Variants in GPHN observed in about 807,000 individuals in gnomAD.
The protein encoded by GPHN is gephyrin.
GPHN carries 17 observed loss-of-function variants against 95.5 expected under a neutral mutation model. That is an observed-to-expected ratio of 0.18 (90% CI 0.12 to 0.27). GPHN has a LOEUF of 0.27. Among genes scored for constraint, GPHN ranks in the 10% least tolerant of loss-of-function variants. GPHN has a pLI of 1.00. For synonymous variants in GPHN, 320 were observed against 322.5 expected (o/e 0.99, Z 0.08); for missense variants, 660 against 978.1 (o/e 0.67, Z 4.34).
At chr14:66,743,339 A>G (rs1348521907) in intron 2 of GPHN, among the ~76,000 whole-genome samples, 2 of 152,090 alleles carry the variant, frequency 1.3e-5, no homozygotes, top group African/African-American at 4.8e-5. Context: ...TCAAGGTAAC[A>G]TATTCAATTT....
At chr14:66,514,548 A>G (rs1468666945) in intron 1 of GPHN, among the ~76,000 whole-genome samples, 1 of 152,102 alleles carries the variant, frequency 6.6e-6, no homozygotes, top group Non-Finnish European at 1.5e-5. Context: ...CCAGCAGGAA[A>G]GAGAAATATA....
chr14:67,320,753 G>T, the GPHN span, among the ~76,000 whole-genome samples: 1 of 152,138 alleles, frequency 6.6e-6, no homozygotes, highest in Non-Finnish European at 1.5e-5. Context: ...TAATCTTATG[G>T]AGATAAACTT....
chr14:66,925,068 A>T (rs2066417157), intron 8 of GPHN, among the ~76,000 whole-genome samples: 1 of 152,170 alleles, frequency 6.6e-6, no homozygotes, highest in Non-Finnish European at 1.5e-5. Flanking sequence ...TTAGGAGAGA[A>T]AAAAACCAAC....
intron 1 of GPHN, among the ~76,000 whole-genome samples, chr14:66,589,490 G>A (rs952050793): frequency 1.3e-5 from 2 of 151,226 alleles, no homozygotes; most frequent in African/African-American, 2.4e-5. Flanking sequence ...TTAGGAGACT[G>A]ATCTCAATCC....
intron 4 of GPHN, among the ~76,000 whole-genome samples, chr14:66,869,732 G>C (rs2153527018): frequency 6.6e-6 from 1 of 152,316 alleles, no homozygotes; most frequent in South Asian, 2.1e-4. Flanking sequence ...CATAGAAAGA[G>C]CTAACATGTA....
chr14:66,650,429 T>G (rs953383104), intron 1 of GPHN, among the ~76,000 whole-genome samples: 2 of 152,196 alleles, frequency 1.3e-5, no homozygotes, highest in African/African-American at 4.8e-5. Flanking sequence ...GCCCTTTACA[T>G]GAAGAGTTGA....
chr14:67,060,229 T>C (rs1202404374), intron 11 of GPHN, among the ~76,000 whole-genome samples: 1 of 151,540 alleles, frequency 6.6e-6, no homozygotes, highest in Non-Finnish European at 1.5e-5. Context: ...GAGTTGGAAA[T>C]TGCCATTTCA....
Position 67,176,071 on chromosome 14 carries a change from T to C in GPHN, c.2080-3507T>C, listed in dbSNP as rs139530258. Among the ~76,000 whole-genome samples the C allele has an allele frequency of 3.3e-3, 503 of 152,268 alleles. 2 individuals carry two copies. Among genetic ancestry groups the C allele is most frequent in the African/African-American group, 0.011 (475 of 41,548 alleles). ...TTCCTATTTGAATACCCTTTATTGCTTTCTCTTGCCTGATTGCCCTGGCCA... is the reference window on the plus strand; with the variant it reads ...TTCCTATTTGAATACCCTTTATTGCCTTCTCTTGCCTGATTGCCCTGGCCA... On this transcript the variant is annotated intron_variant, in intron 21 of 22. Transcript: ENST00000478722.
chr14:66,864,213 G>C (rs2063142443), intron 4 of GPHN, among the ~76,000 whole-genome samples: 1 of 152,092 alleles, frequency 6.6e-6, no homozygotes, highest in Non-Finnish European at 1.5e-5. Flanking sequence ...ACTATGAAAA[G>C]ATACTCAGCA....
the GPHN span, chr14:67,292,406 C>T: frequency 1.3e-6 from 1 of 749,466 alleles, no homozygotes; most frequent in Non-Finnish European, 2.2e-6. Context: ...TGGTATTTTT[C>T]TGAAAACTTA....
chr14:67,316,739 G>GA, the GPHN span: 49 of 917,586 alleles, frequency 5.3e-5, no homozygotes, highest in Middle Eastern at 3.2e-4. Flanking sequence ...TAAGTGAAGA[G>GA]ATATGTCTAG....
chr14:67,217,624 A>C, the GPHN span, among the ~76,000 whole-genome samples: 1 of 152,218 alleles, frequency 6.6e-6, no homozygotes, highest in East Asian at 1.9e-4. Flanking sequence ...GATGGTGGCT[A>C]TCATCTTTTC....
At chr14:67,257,952 G>A in the GPHN span, among the ~76,000 whole-genome samples, 2 of 152,108 alleles carry the variant, frequency 1.3e-5, no homozygotes, top group East Asian at 3.9e-4. Context: ...TGTCACCAAG[G>A]TAGTGAATAT....
At chr14:67,129,096 G>A (rs139187530) in intron 17 of GPHN, among the ~76,000 whole-genome samples, 1,830 of 151,656 alleles carry the variant, frequency 0.012, 19 homozygotes, top group Non-Finnish European at 0.018. Context: ...TAAAAGGTGT[G>A]AGCCATCGTG....
At chr14:67,111,079 C>T (rs1244349514) in intron 14 of GPHN, among the ~76,000 whole-genome samples, 1 of 152,132 alleles carries the variant, frequency 6.6e-6, no homozygotes, top group Non-Finnish European at 1.5e-5. Flanking sequence ...ATATATTCTC[C>T]CAAGCCGAGT....
the GPHN span, chr14:67,301,254 ATTC>A: frequency 2.0e-6 from 1 of 488,016 alleles, no homozygotes; most frequent in African/African-American, 1.9e-5. Flanking sequence ...AACTCTAATA[ATTC>A]TTTTTAGTGA....
chr14:67,147,681 C>T (rs1290298127), intron 18 of GPHN, among the ~76,000 whole-genome samples: 4 of 152,194 alleles, frequency 2.6e-5, no homozygotes, highest in East Asian at 1.9e-4. Context: ...GGATTATAGG[C>T]GTGAACCACC....
rs145210765 is a variant in GPHN, at chr14:66,892,567, A to G, written c.389+12534A>G. Among the ~76,000 whole-genome samples the G allele has an allele frequency of 1.5e-3, 235 of 152,306 alleles. 4 individuals carry two copies. In the East Asian group the frequency reaches 0.039, roughly 25 times the overall value. ...CAAAATGGGTTAAATACATGGAATG[A>G]AATATTATTCAGCCTTAAAAATTAT... On this transcript the variant is annotated intron_variant, in intron 5 of 22. Transcript: ENST00000478722.
the GPHN span, chr14:67,572,417 T>TG: frequency 3.5e-5 from 6 of 169,236 alleles, no homozygotes; most frequent in South Asian, 5.3e-5. Flanking sequence ...GGGCGTGGGC[T>TG]GGGGGGGTGT....
Sources: allele counts gnomAD v4.1 joint callset (sites outside exome capture counted in the v4.1 genomes callset), GRCh38; gene constraint gnomAD v4.1.1; transcripts MANE v1.5; gene names NCBI Gene and HGNC (gene_info 2026-07-23, HGNC 2026-07-21).